Variants in RPS6KA2 observed in about 807,000 individuals in gnomAD.
RPS6KA2 encodes the protein ribosomal protein S6 kinase alpha-2.
A neutral mutation model predicts 91.8 loss-of-function variants in RPS6KA2; 42 were observed. The ratio of observed to expected loss-of-function variants is 0.46; its 90% confidence interval spans 0.36 to 0.59. The LOEUF (loss-of-function observed/expected upper bound fraction) is 0.59. Among genes scored for constraint, RPS6KA2 ranks in the 20% least tolerant of loss-of-function variants. RPS6KA2 has a pLI of 0.00. For missense variants in RPS6KA2, 798 were observed against 978.5 expected (o/e 0.82, Z 2.46); for synonymous variants, 414 against 393.6 (o/e 1.05, Z -0.61).
chr6:166,836,020 C>T (rs1780307966), intron 2 of RPS6KA2, among the ~76,000 whole-genome samples: 1 of 152,090 alleles, frequency 6.6e-6, no homozygotes, highest in Non-Finnish European at 1.5e-5. Context: ...ATGGTAAATT[C>T]CATGCATTTA....
chr6:166,707,888 T>G (rs1180581252), intron 2 of RPS6KA2, among the ~76,000 whole-genome samples: 1 of 152,070 alleles, frequency 6.6e-6, no homozygotes, highest in Non-Finnish European at 1.5e-5. Context: ...GAACTACAGG[T>G]GTGCACCACC....
chr6:166,431,273 C>T (rs915422359), intron 15 of RPS6KA2, among the ~76,000 whole-genome samples: 11 of 152,192 alleles, frequency 7.2e-5, no homozygotes, highest in Non-Finnish European at 1.6e-4. Flanking sequence ...GTTGGCAAAC[C>T]ACCTTGCAAG....
chr6:166,682,444 C>T (rs751639968), intron 2 of RPS6KA2, among the ~76,000 whole-genome samples: 23 of 152,094 alleles, frequency 1.5e-4, no homozygotes, highest in Non-Finnish European at 2.6e-4. Flanking sequence ...AGGTGGGGTC[C>T]GGTGTGGGCA....
chr6:166,508,219 G>A lies in RPS6KA2; in HGVS notation c.443C>T (p.Thr148Ile). Reference sequence around the variant, plus strand: ...GCTGCTCACCTCTTTGGAGAGCCGGGTGAAGAGGTCCCCTCCCCGCAGGAA... The same window carrying A: ...GCTGCTCACCTCTTTGGAGAGCCGGATGAAGAGGTCCCCTCCCCGCAGGAA... Reference protein sequence around the residue: ...LDFLRGGDLFTRLSKEVMFTE... With the variant: ...LDFLRGGDLFIRLSKEVMFTE... The change falls in exon 5 of 21, where the codon ACC becomes ATC. Residue 148 changes from threonine to isoleucine, a missense_variant. By Grantham distance (89) the Thr-to-Ile change is moderately conservative (BLOSUM62 -1). Coordinates refer to ENST00000265678, the MANE Select transcript of RPS6KA2 (RefSeq NM_021135.6). This position sits in a 1 kb window ranked among gnomAD's most constrained non-coding sequence, Gnocchi z 4.3. 1.2e-6 allele frequency: 2 copies of A among 1,612,518 alleles called. No individual in the cohort carries two copies. Among genetic ancestry groups the A allele is most frequent in the Non-Finnish European group, 8.5e-7 (1 of 1,178,554 alleles).
At chr6:166,691,959 GCAGCTATTCC>G (rs1433660225) in intron 2 of RPS6KA2, among the ~76,000 whole-genome samples, 2 of 152,160 alleles carry the variant, frequency 1.3e-5, no homozygotes, top group Admixed American at 1.3e-4. Context: ...AGGCTCCTGG[GCAGCTATTCC>G]CCGTGTCCCA....
At chr6:166,450,033 G>C (rs1247927215) in intron 13 of RPS6KA2, among the ~76,000 whole-genome samples, 2 of 80,524 alleles carry the variant, frequency 2.5e-5, no homozygotes, top group African/African-American at 8.4e-5. Flanking sequence ...CACCACAGGA[G>C]CCACCATGGG....
At chr6:166,517,451 TTTTG>T (rs1444219475) in intron 3 of RPS6KA2, among the ~76,000 whole-genome samples, 7 of 109,464 alleles carry the variant, frequency 6.4e-5, no homozygotes, top group East Asian at 2.4e-4. Context: ...CGTTCTTTTG[TTTTG>T]TTTTTTTTTT....
At chr6:166,627,708 G>T (rs971370157), upstream of RPS6KA2, 4 of 152,236 alleles carry the variant, frequency 2.6e-5, no homozygotes, top group Non-Finnish European at 4.4e-5. Context: ...GCGCAGTCGC[G>T]GGCGTTCCTG....
chr6:166,655,901 C>T (rs960058189), intron 2 of RPS6KA2, among the ~76,000 whole-genome samples: 2 of 152,178 alleles, frequency 1.3e-5, no homozygotes, highest in Admixed American at 6.5e-5. Context: ...CTCGGAGACA[C>T]GCCCAGGAAT....
At chr6:166,464,275 G>A (rs1047377732) in intron 11 of RPS6KA2, among the ~76,000 whole-genome samples, 9 of 152,140 alleles carry the variant, frequency 5.9e-5, no homozygotes, top group East Asian at 1.9e-4. Context: ...CCAGATCACC[G>A]AGCGACCTCA....
chr6:166,463,696 C>T (rs558790832), intron 11 of RPS6KA2, among the ~76,000 whole-genome samples: 1 of 152,294 alleles, frequency 6.6e-6, no homozygotes, highest in Admixed American at 6.5e-5. Context: ...CATCTGCCTT[C>T]TGTAGACGGT....
chr6:166,498,423 T>C, intron 8 of RPS6KA2, 85 bp downstream of exon 8: 1 of 1,440,934 alleles, frequency 6.9e-7, no homozygotes, highest in Non-Finnish European at 9.1e-7. Context: ...TCTTCCGCAT[T>C]TCGGGACCTC....
At chr6:166,838,765 T>C (rs1780383503) in intron 2 of RPS6KA2, among the ~76,000 whole-genome samples, 1 of 137,692 alleles carries the variant, frequency 7.3e-6, no homozygotes. Flanking sequence ...TACTAACAGA[T>C]GTCCACGTGA....
In RPS6KA2 at chr6:166,733,699, C is replaced by T. The variant is rs1049058438; in HGVS notation, c.123+124501G>A. Among the ~76,000 whole-genome samples the T allele has an allele frequency of 6.6e-6, 1 of 152,208 alleles. No individual in the cohort carries two copies. The highest frequency in any genetic ancestry group is 1.5e-5 in the Non-Finnish European group (1 of 68,048). On this transcript the variant is annotated intron_variant, in intron 2 of 21. Coordinates refer to the RPS6KA2 transcript ENST00000503859. The surrounding 1 kb of genome is among the most constrained non-coding windows in gnomAD (Gnocchi z 4.1). ...CATGGAATGTCCCAGGCACAGGTCACATTTCAGCGGGTTCCGGAGCTCACT... is the reference window on the plus strand; with the variant it reads ...CATGGAATGTCCCAGGCACAGGTCATATTTCAGCGGGTTCCGGAGCTCACT...
chr6:166,430,061 A>C (rs1463908287), intron 16 of RPS6KA2, among the ~76,000 whole-genome samples: 1 of 150,672 alleles, frequency 6.6e-6, no homozygotes, highest in African/African-American at 2.4e-5. Context: ...GGGTTGAAAT[A>C]ATTCTCCTGC....
At chr6:166,436,678 C>T (rs956954174) in intron 14 of RPS6KA2, among the ~76,000 whole-genome samples, 2 of 152,232 alleles carry the variant, frequency 1.3e-5, no homozygotes, top group African/African-American at 4.8e-5. Flanking sequence ...CTCCTGGCTT[C>T]CTTGCCTCCT....
intron 2 of RPS6KA2, among the ~76,000 whole-genome samples, chr6:166,835,879 A>G (rs1051613837): frequency 1.3e-5 from 2 of 152,220 alleles, no homozygotes; most frequent in Admixed American, 6.5e-5. Context: ...GAAGCACTGT[A>G]TCATATTGAG....
intron 2 of RPS6KA2, among the ~76,000 whole-genome samples, chr6:166,820,094 G>A (rs1454225563): frequency 6.6e-6 from 1 of 152,138 alleles, no homozygotes; most frequent in Non-Finnish European, 1.5e-5. Flanking sequence ...ACTGTTTAAG[G>A]TGCTTGCCAT....
intron 3 of RPS6KA2, among the ~76,000 whole-genome samples, chr6:166,515,313 A>T (rs1782610358): frequency 6.6e-6 from 1 of 152,174 alleles, no homozygotes; most frequent in Non-Finnish European, 1.5e-5. Context: ...TGTGATGAGG[A>T]CATCGCTCAT....
Sources: allele counts gnomAD v4.1 joint callset (sites outside exome capture counted in the v4.1 genomes callset), GRCh38; gene constraint gnomAD v4.1.1; non-coding constraint Gnocchi (gnomAD v3.1); transcripts MANE v1.5; gene names NCBI Gene and HGNC (gene_info 2026-07-23, HGNC 2026-07-21).